DGKB: variants seen among roughly 807,000 people sequenced by gnomAD.
DGKB encodes 90 kDa diacylglycerol kinase.
DGKB carries 67 observed loss-of-function variants against 114.3 expected under a neutral mutation model. That is an observed-to-expected ratio of 0.59 (90% confidence interval 0.48 to 0.72). The LOEUF (loss-of-function observed/expected upper bound fraction) is 0.72, where lower values mean the gene tolerates loss of function less well. DGKB is among the 30% of genes least tolerant of loss of function. DGKB has a pLI of 0.00. For synonymous variants in DGKB, 398 were observed against 323.1 expected (o/e 1.23, Z -2.49); for missense variants, 907 against 975.2 (o/e 0.93, Z 0.93).
At chr7:14,210,270 G>T (rs1204167639) in intron 23 of DGKB, among the ~76,000 whole-genome samples, 2 of 152,022 alleles carry the variant, frequency 1.3e-5, no homozygotes, top group Admixed American at 1.3e-4. Context: ...CAATGCCTCC[G>T]TTACTGGGGG....
At chr7:14,356,652 G>C (rs1328868878) in intron 21 of DGKB, among the ~76,000 whole-genome samples, 4 of 151,912 alleles carry the variant, frequency 2.6e-5, no homozygotes, top group African/African-American at 9.7e-5. Flanking sequence ...GAGCCACCAC[G>C]CCCGGGCTTG....
chr7:14,760,767 T>C (rs549335620), intron 2 of DGKB, among the ~76,000 whole-genome samples: 46 of 152,272 alleles, frequency 3.0e-4, no homozygotes, highest in African/African-American at 1.0e-3. Flanking sequence ...AGACACTGCT[T>C]AGATGGCCTT....
chr7:14,662,274 T>G (rs896569406), intron 13 of DGKB, among the ~76,000 whole-genome samples: 2 of 150,798 alleles, frequency 1.3e-5, no homozygotes, highest in Non-Finnish European at 3.0e-5. Flanking sequence ...AAATCCAGTT[T>G]AAAAAAAAAG....
chr7:14,517,166 G>A (rs551010193), intron 20 of DGKB, among the ~76,000 whole-genome samples: 43 of 151,950 alleles, frequency 2.8e-4, no homozygotes, highest in South Asian at 1.7e-3. Flanking sequence ...ACCTACAACC[G>A]TCTGATCTTC....
intron 23 of DGKB, among the ~76,000 whole-genome samples, chr7:14,239,854 A>G (rs1457323618): frequency 6.6e-6 from 1 of 151,984 alleles, no homozygotes; most frequent in Non-Finnish European, 1.5e-5. Context: ...TTAAGACTCT[A>G]TCTATCTATT....
chr7:14,974,560 G>GAAATTACTTTATT (rs1211048922), intron 1 of DGKB: 6 of 152,166 alleles, frequency 3.9e-5, no homozygotes, highest in Non-Finnish European at 7.4e-5. Context: ...TGTACTTTAA[G>GAAATTACTTTATT]TGCAAAATAT....
chr7:14,748,878 G>A (rs141145014), intron 4 of DGKB, among the ~76,000 whole-genome samples: 397 of 152,230 alleles, frequency 2.6e-3, no homozygotes, highest in African/African-American at 8.9e-3. Context: ...TAAAGCAACT[G>A]TTTGAAACCA....
At chr7:14,841,983 G>A (rs1847998443) in intron 1 of DGKB, among the ~76,000 whole-genome samples, 1 of 152,202 alleles carries the variant, frequency 6.6e-6, no homozygotes, top group African/African-American at 2.4e-5. Flanking sequence ...CTTGTGTAAT[G>A]ACAGTAGATG....
intron 20 of DGKB, among the ~76,000 whole-genome samples, chr7:14,516,295 A>G (rs768724949): frequency 1.7e-4 from 26 of 152,252 alleles, no homozygotes; most frequent in Non-Finnish European, 3.2e-4. Context: ...AAGTCATTGA[A>G]CAAAGACAAA....
intron 7 of DGKB, among the ~76,000 whole-genome samples, chr7:14,698,721 G>C (rs1411860099): frequency 6.6e-6 from 1 of 152,078 alleles, no homozygotes; most frequent in Non-Finnish European, 1.5e-5. Flanking sequence ...ATTTTAGTTT[G>C]AATTTCCATA....
chr7:14,534,395 A>G (rs1792089908), intron 20 of DGKB, among the ~76,000 whole-genome samples: 1 of 152,174 alleles, frequency 6.6e-6, no homozygotes, highest in Non-Finnish European at 1.5e-5. Context: ...GGGGAACAAT[A>G]TAACTACAAA....
chr7:14,606,603 A>C (rs1182822725), intron 17 of DGKB, among the ~76,000 whole-genome samples: 1 of 151,864 alleles, frequency 6.6e-6, no homozygotes, highest in African/African-American at 2.4e-5. Flanking sequence ...TTTTTTTAAA[A>C]AAAAAAAATG....
At chr7:14,864,703 TAAAGAC>T (rs1851462961) in intron 1 of DGKB, among the ~76,000 whole-genome samples, 1 of 151,268 alleles carries the variant, frequency 6.6e-6, no homozygotes, top group Admixed American at 6.6e-5. Flanking sequence ...ACAATATACT[TAAAGAC>T]AGAGAAATGT....
intron 20 of DGKB, among the ~76,000 whole-genome samples, chr7:14,500,358 T>C (rs1785961213): frequency 6.6e-6 from 1 of 151,818 alleles, no homozygotes; most frequent in Admixed American, 6.6e-5. Context: ...TTTATCAGCA[T>C]TTAAAAATAG....
intron 2 of DGKB, among the ~76,000 whole-genome samples, chr7:14,807,150 A>G (rs1237121860): frequency 6.6e-6 from 1 of 151,956 alleles, no homozygotes; most frequent in Admixed American, 6.6e-5. Context: ...AAGTCTATAA[A>G]TTCCCTCCGT....
chr7:14,355,329 T>G (rs1191388898), intron 21 of DGKB, among the ~76,000 whole-genome samples: 2 of 152,174 alleles, frequency 1.3e-5, no homozygotes, highest in African/African-American at 4.8e-5. Flanking sequence ...ATAGGAGTGG[T>G]GAGAGAAGGC....
chr7:14,401,663 A>C (rs1429975647), intron 21 of DGKB, among the ~76,000 whole-genome samples: 2 of 151,804 alleles, frequency 1.3e-5, no homozygotes, highest in Non-Finnish European at 2.9e-5. Flanking sequence ...TTAACTCTAA[A>C]CATAATCGCT....
intron 5 of DGKB, among the ~76,000 whole-genome samples, chr7:14,732,343 G>T (rs1346404810): frequency 6.6e-6 from 1 of 151,970 alleles, no homozygotes; most frequent in African/African-American, 2.4e-5. Flanking sequence ...AAACCAGATT[G>T]TAGCCCCTCT....
chr7:14,843,750 G>A (rs914108981), intron 1 of DGKB, among the ~76,000 whole-genome samples: 3 of 152,298 alleles, frequency 2.0e-5, no homozygotes, highest in East Asian at 3.9e-4. Flanking sequence ...AATATTTGTT[G>A]AGCCTTGCTG....
Sources: gnomAD v4.1 joint callset for allele counts (sites outside exome capture counted in the v4.1 genomes callset) on GRCh38, gnomAD v4.1.1 for gene constraint, MANE v1.5 for transcripts, NCBI Gene and HGNC (gene_info 2026-07-23, HGNC 2026-07-21) for gene names.